Variants in ACOT7 observed in about 807,000 individuals in gnomAD.
ACOT7 encodes the protein acyl-CoA thioesterase 7.
Under a neutral mutation model 40.2 loss-of-function variants are expected in ACOT7, and 12 were observed. That is an observed-to-expected ratio of 0.30 (90% CI 0.19 to 0.48). ACOT7 has a LOEUF of 0.48. Ranked by LOEUF, ACOT7 falls within the 20% of genes least tolerant of loss-of-function variation. The pLI is 0.99. For synonymous variants in ACOT7, 228 were observed against 219.5 expected (o/e 1.04, Z -0.34); for missense variants, 395 against 530.8 (o/e 0.74, Z 2.51).
intron 1 of ACOT7, among the ~76,000 whole-genome samples, chr1:6,384,959 G>T (rs1170938476): frequency 3.9e-5 from 6 of 151,946 alleles, no homozygotes; most frequent in Non-Finnish European, 8.8e-5. Flanking sequence ...CTGGCACAAA[G>T]GGGGAGGTAT....
chr1:6,393,639 G>C lies in ACOT7; in HGVS notation c.-240C>G, dbSNP rs1642579101. ...TGGCGGTTGGGCCGCGCCGGTGCGGGGAAGGCCCGCTAGCCGCGGCAGCCG... is the reference window on the plus strand; with the variant it reads ...TGGCGGTTGGGCCGCGCCGGTGCGGCGAAGGCCCGCTAGCCGCGGCAGCCG... On this transcript the variant is annotated 5_prime_UTR_variant, in exon 1 of 9. Transcript: ENST00000361521. 6.7e-6 allele frequency: 2 copies of C among 298,000 alleles called. No individual in the cohort carries two copies. The highest frequency in any genetic ancestry group is 1.2e-5 in the Non-Finnish European group (2 of 166,150). The allele number at this position is 298,000 out of a possible 1,614,324, so 18.5% of individuals were successfully genotyped here.
In ACOT7 at chr1:6,358,894, G is replaced by A. The variant is rs1557666835; in HGVS notation, c.144-9028C>T. On this transcript the variant is annotated intron_variant, in intron 1 of 8. Transcript: ENST00000361521. This position sits in a 1 kb window ranked among gnomAD's most constrained non-coding sequence, Gnocchi z 4.1. ...AGATGCAGAGAAAGGCGAGGGAGCAGGGAAGCATCACAGAGTCCTTGCCTG... is the reference window on the plus strand; with the variant it reads ...AGATGCAGAGAAAGGCGAGGGAGCAAGGAAGCATCACAGAGTCCTTGCCTG... The A allele has an allele frequency of 6.2e-7, 1 of 1,610,934 alleles. No homozygotes were observed. The highest frequency in any genetic ancestry group is 8.5e-7 in the Non-Finnish European group (1 of 1,178,462).
intron 7 of ACOT7, among the ~76,000 whole-genome samples, chr1:6,281,563 C>T (rs530955920): frequency 1.3e-5 from 2 of 152,364 alleles, no homozygotes; most frequent in African/African-American, 4.8e-5. Context: ...TCTCTCCTGG[C>T]CGGGAGTGGC....
intron 8 of ACOT7, among the ~76,000 whole-genome samples, chr1:6,280,200 C>T (rs1046758050): frequency 2.6e-5 from 4 of 152,242 alleles, no homozygotes; most frequent in Non-Finnish European, 4.4e-5. Flanking sequence ...CCCGCATCCT[C>T]GCTCCCCGGA....
At chr1:6,369,839 C>G (rs1481217045) in intron 1 of ACOT7, among the ~76,000 whole-genome samples, 2 of 152,186 alleles carry the variant, frequency 1.3e-5, no homozygotes, top group Non-Finnish European at 2.9e-5. Flanking sequence ...CTCAGCCTCC[C>G]AAAGTGTTAG....
Position 6,282,141 on chromosome 1 carries a change from G to C in ACOT7, c.830-855C>G, listed in dbSNP as rs1639375779. The stretch of plus-strand genomic sequence containing the variant: ...CAGTCCATCCTGGCAGAAGCTTCCT[G>C]ACCCAGAGCTGCTCTTCTGCCCCCA... On this transcript the variant is annotated intron_variant, in intron 7 of 8. Transcript: ENST00000361521. This position sits in a 1 kb window ranked among gnomAD's most constrained non-coding sequence, Gnocchi z 4.5. Among the ~76,000 whole-genome samples, 1 of 151,948 alleles carries C rather than the reference G, an allele frequency of 6.6e-6. No homozygotes were observed. The highest frequency in any genetic ancestry group is 1.5e-5 in the Non-Finnish European group (1 of 67,992).
intron 3 of ACOT7, among the ~76,000 whole-genome samples, chr1:6,335,617 C>T (rs1381216240): frequency 1.3e-5 from 2 of 152,196 alleles, no homozygotes; most frequent in Non-Finnish European, 2.9e-5. Flanking sequence ...CCCAAAACCC[C>T]CAGAGGAGCT....
chr1:6,277,355 G>A (rs1639225244), intron 8 of ACOT7, among the ~76,000 whole-genome samples: 1 of 152,220 alleles, frequency 6.6e-6, no homozygotes, highest in African/African-American at 2.4e-5. Flanking sequence ...TGCAGCCGCT[G>A]CCAACCTGGG....
intron 5 of ACOT7, among the ~76,000 whole-genome samples, chr1:6,321,518 G>C (rs1282087282): frequency 6.6e-6 from 1 of 152,172 alleles, no homozygotes; most frequent in African/African-American, 2.4e-5. Context: ...ACAAGGCTGA[G>C]TCTTTTTCTT....
chr1:6,284,240 C>T (rs1295474649), intron 7 of ACOT7, among the ~76,000 whole-genome samples: 2 of 152,122 alleles, frequency 1.3e-5, no homozygotes, highest in Non-Finnish European at 2.9e-5. Context: ...GGGACCAGCT[C>T]CCACCCCCAG....
chr1:6,345,224 C>A (rs772546677), intron 2 of ACOT7, among the ~76,000 whole-genome samples: 50 of 152,232 alleles, frequency 3.3e-4, no homozygotes, highest in Non-Finnish European at 7.3e-4. Context: ...AGCACCTGCC[C>A]GGAAGTGCCC....
At chr1:6,351,212 C>G (rs1641581877) in intron 1 of ACOT7, among the ~76,000 whole-genome samples, 4 of 152,304 alleles carry the variant, frequency 2.6e-5, no homozygotes, top group Admixed American at 2.6e-4. Context: ...GTCTATTATG[C>G]AAACCAGGGC....
chr1:6,393,446 C>A lies in ACOT7; in HGVS notation c.-47G>T, dbSNP rs1468285623. On this transcript the variant is annotated 5_prime_UTR_variant, in exon 1 of 9. It adds an upstream start codon to the 5' untranslated region. Transcript: ENST00000361521. ...AGCGATGGGGCTGGTGAGGCGGGGCCTGCGCGCCGGGGGCAATCGAACGCG... is the reference window on the plus strand; with the variant it reads ...AGCGATGGGGCTGGTGAGGCGGGGCATGCGCGCCGGGGGCAATCGAACGCG... 1.6e-5 allele frequency: 17 copies of A among 1,086,672 alleles called. No homozygotes were observed. The highest frequency in any genetic ancestry group is 3.5e-4 in the Middle Eastern group (1 of 2,844). 67.3% of individuals were successfully genotyped at this position (1,086,672 alleles called of 1,614,324 possible).
intron 1 of ACOT7, among the ~76,000 whole-genome samples, chr1:6,372,853 G>A (rs952010074): frequency 1.3e-5 from 2 of 152,190 alleles, no homozygotes; most frequent in East Asian, 1.9e-4. Context: ...CCTGGCCTCC[G>A]GCTTTTGGCT....
chr1:6,304,262 C>T (rs1462911598), intron 6 of ACOT7, among the ~76,000 whole-genome samples: 1 of 148,614 alleles, frequency 6.7e-6, no homozygotes, highest in Admixed American at 6.7e-5. Flanking sequence ...ATCTGCCACG[C>T]ATGCCCCTGG....
At position 6,301,090 on chromosome 1, in the gene ACOT7, C is replaced by T. The variant is rs943481174; in HGVS notation, c.713-6110G>A. Among the ~76,000 whole-genome samples the T allele has an allele frequency of 1.3e-4, 20 of 152,186 alleles. No homozygotes were observed. The highest frequency in any genetic ancestry group is 4.8e-4 in the African/African-American group (20 of 41,442). ...GATTGCAGGAAGGAGCGTTCAAAGT[C>T]ACAGACCCAGAGTGTCCAGTGCTGG... On this transcript the variant is annotated intron_variant, in intron 6 of 8. Coordinates refer to ENST00000361521, the MANE Select transcript of ACOT7 (RefSeq NM_007274.4). This position sits in a 1 kb window ranked among gnomAD's most constrained non-coding sequence, Gnocchi z 4.1.
rs1255411749 is a variant in ACOT7 at position 6,330,279 on chromosome 1, TA to T, written c.511-2867del. Among the ~76,000 whole-genome samples the T allele has an allele frequency of 6.6e-6, 1 of 152,186 alleles. No homozygotes were observed. Among genetic ancestry groups the T allele is most frequent in the East Asian group, 1.9e-4 (1 of 5,182 alleles). On this transcript the variant is annotated intron_variant, in intron 4 of 8. Coordinates refer to ENST00000361521, the MANE Select transcript of ACOT7 (RefSeq NM_007274.4). This position sits in a 1 kb window ranked among gnomAD's most constrained non-coding sequence, Gnocchi z 4.6. The stretch of plus-strand genomic sequence containing the variant: ...TGGCCAGGCCACCAGCAGATGGGCA[TA>T]AATGCCCATCGGAGCCAGGGAAGGA...
At chr1:6,327,674 C>T (rs549817341) in intron 4 of ACOT7, among the ~76,000 whole-genome samples, 120 of 152,324 alleles carry the variant, frequency 7.9e-4, no homozygotes, top group Admixed American at 1.4e-3. Flanking sequence ...ATATAAAAAG[C>T]TCTATGGTGC....
At chr1:6,295,170 T>G in intron 6 of ACOT7, 190 bp from the exon 7 acceptor site, 1 of 499,862 alleles carries the variant, frequency 2.0e-6, no homozygotes, top group Non-Finnish European at 3.6e-6. Flanking sequence ...CCTCAGGAGA[T>G]TTTGAAAAAA....
Sources: gnomAD v4.1 joint callset for allele counts (sites outside exome capture counted in the v4.1 genomes callset) on GRCh38, gnomAD v4.1.1 for gene constraint, Gnocchi (gnomAD v3.1) non-coding constraint, MANE v1.5 for transcripts, NCBI Gene and HGNC (gene_info 2026-07-23, HGNC 2026-07-21) for gene names.